CLASP1: variants seen among roughly 807,000 people sequenced by gnomAD.
The protein encoded by CLASP1 is CLIP-associating protein 1.
A neutral mutation model predicts 192.3 loss-of-function variants in CLASP1; 38 were observed. That is an observed-to-expected ratio of 0.20 (90% CI 0.15 to 0.26). CLASP1 has a LOEUF of 0.26. Among genes scored for constraint, CLASP1 ranks in the 10% least tolerant of loss-of-function variants. The probability of loss-of-function intolerance (pLI) is 1.00; values close to 1 mark genes in which losing one functional copy is unlikely to be tolerated. For missense variants in CLASP1, 1,433 were observed against 1,932.5 expected (o/e 0.74, Z 4.85); for synonymous variants, 691 against 712.8 (o/e 0.97, Z 0.49).
At chr2:121,561,654 T>A (rs1337498673) in intron 2 of CLASP1, among the ~76,000 whole-genome samples, 1 of 152,240 alleles carries the variant, frequency 6.6e-6, no homozygotes, top group African/African-American at 2.4e-5. Context: ...TGAATTTGTG[T>A]AGGACCACAT....
chr2:121,647,185 T>C (rs976564570), intron 1 of CLASP1, among the ~76,000 whole-genome samples: 1 of 151,610 alleles, frequency 6.6e-6, no homozygotes, highest in Admixed American at 6.6e-5. Flanking sequence ...CTGGCCAACA[T>C]AGTGAAACCC....
rs576273370 is a variant in CLASP1 at position 121,590,256 on chromosome 2, C to T, written c.195+15445G>A. ...GCCGAACTTTGAACCAGCAATTCAG[C>T]CTTTCAGAACTTCCAGCACAGAGGT... On this transcript the variant is annotated intron_variant, in intron 2 of 39. Coordinates refer to ENST00000263710, the Ensembl canonical transcript of CLASP1. 4.6e-5 allele frequency among the ~76,000 whole-genome samples: 7 copies of T among 152,286 alleles called. No homozygotes were observed. The South Asian group carries it at 1.5e-3, about 32-fold the overall frequency.
chr2:121,429,637 A>G (rs1451096079), intron 20 of CLASP1, among the ~76,000 whole-genome samples: 1 of 152,254 alleles, frequency 6.6e-6, no homozygotes, highest in Non-Finnish European at 1.5e-5. Flanking sequence ...TGCAAATGTT[A>G]GAGCACAGAA....
chr2:121,343,115 A>G lies in CLASP1; in HGVS notation c.4531-2168T>C, dbSNP rs62153627. On this transcript the variant is annotated intron_variant, in intron 39 of 39. Transcript: ENST00000263710. The stretch of plus-strand genomic sequence containing the variant: ...ATAGGGAAAGGATCATCTTTTTAAC[A>G]GATAAGAAATCGCCATCAGGTTATT... Among the ~76,000 whole-genome samples the G allele has an allele frequency of 2.2e-3, 336 of 152,342 alleles. 1 individual carries two copies. The highest frequency in any genetic ancestry group is 4.0e-3 in the Non-Finnish European group (271 of 68,032).
chr2:121,615,310 G>C (rs2066268556), intron 1 of CLASP1, among the ~76,000 whole-genome samples: 1 of 151,980 alleles, frequency 6.6e-6, no homozygotes, highest in Non-Finnish European at 1.5e-5. Flanking sequence ...CTGCACTCCA[G>C]CTTGCGCGTC....
chr2:121,641,083 A>G (rs888912493), intron 1 of CLASP1, among the ~76,000 whole-genome samples: 2 of 152,222 alleles, frequency 1.3e-5, no homozygotes, highest in Non-Finnish European at 2.9e-5. Flanking sequence ...ATGCAGTTCA[A>G]GTCTCTTAGG....
chr2:121,442,574 G>A (rs2083533269), intron 19 of CLASP1, among the ~76,000 whole-genome samples: 1 of 151,618 alleles, frequency 6.6e-6, no homozygotes, highest in Admixed American at 6.6e-5. Flanking sequence ...CCGCCTCCTG[G>A]GTTCAAGCAA....
intron 37 of CLASP1, among the ~76,000 whole-genome samples, chr2:121,352,071 T>G (rs1375467196): frequency 6.6e-6 from 1 of 152,142 alleles, no homozygotes; most frequent in Non-Finnish European, 1.5e-5. Context: ...AGGGCCAGCA[T>G]GAGGGTGTGG....
chr2:121,563,116 C>T (rs2059230018), intron 2 of CLASP1, among the ~76,000 whole-genome samples: 1 of 152,184 alleles, frequency 6.6e-6, no homozygotes, highest in Non-Finnish European at 1.5e-5. Context: ...TACAAGGCAT[C>T]TCTTCTCAAC....
At chr2:121,421,199 A>G (rs928878980) in intron 22 of CLASP1, among the ~76,000 whole-genome samples, 1 of 152,224 alleles carries the variant, frequency 6.6e-6, no homozygotes, top group Non-Finnish European at 1.5e-5. Context: ...AAACTCACTT[A>G]TACTACTACT....
chr2:121,400,344 G>C (rs1200327888), intron 28 of CLASP1, among the ~76,000 whole-genome samples: 1 of 152,162 alleles, frequency 6.6e-6, no homozygotes, highest in Non-Finnish European at 1.5e-5. Flanking sequence ...CAGACTGACA[G>C]GGTCAAGGGC....
intron 2 of CLASP1, among the ~76,000 whole-genome samples, chr2:121,589,643 A>C (rs1031348540): frequency 1.3e-5 from 2 of 152,062 alleles, no homozygotes; most frequent in Non-Finnish European, 2.9e-5. Context: ...AAAAAAAAAA[A>C]AAAAACACAC....
intron 3 of CLASP1, 114 bp downstream of exon 3, chr2:121,530,132 GA>G: frequency 2.5e-6 from 2 of 798,274 alleles, no homozygotes; most frequent in Non-Finnish European, 4.1e-6. Flanking sequence ...AAGGGAGGGA[GA>G]GGGGGCTGGA....
chr2:121,422,896 T>C (rs911922848), intron 22 of CLASP1, among the ~76,000 whole-genome samples: 10 of 152,158 alleles, frequency 6.6e-5, no homozygotes, highest in African/African-American at 2.4e-4. Context: ...GGTTTGGGAA[T>C]TATAGAAAAT....
chr2:121,377,535 C>T (rs759557730), exon 34 of CLASP1: 6 of 1,604,518 alleles, frequency 3.7e-6, no homozygotes, highest in Admixed American at 1.7e-5. Context: ...GTTTAATTGG[C>T]TCATTCAGAT....
In CLASP1 at chr2:121,478,762, CCACACACCCCACA is replaced by C. The variant is rs1559366764; in HGVS notation, c.713-8815_713-8803del. The stretch of plus-strand genomic sequence containing the variant: ...ACACCCCACACACACCACACACACA[CCACACACCCCACA>C]CACACACCCCACACACACCACACAC... On this transcript the variant is annotated intron_variant, in intron 8 of 39. Coordinates refer to ENST00000263710, the Ensembl canonical transcript of CLASP1. Among the ~76,000 whole-genome samples the C allele has an allele frequency of 2.5e-3, 160 of 63,620 alleles. 1 individual carries two copies. The highest frequency in any genetic ancestry group is 6.1e-3 in the South Asian group (11 of 1,796). The allele number at this position is 63,620 out of a possible 152,430, so 41.7% of individuals were successfully genotyped here.
At chr2:121,449,571 C>T (rs1410982221) in intron 16 of CLASP1, among the ~76,000 whole-genome samples, 3 of 126,412 alleles carry the variant, frequency 2.4e-5, no homozygotes, top group African/African-American at 9.4e-5. Context: ...TACTTGAAAT[C>T]AGTATCACAT....
chr2:121,452,950 T>C (rs1010705937), intron 14 of CLASP1, among the ~76,000 whole-genome samples: 4 of 152,192 alleles, frequency 2.6e-5, no homozygotes, highest in East Asian at 1.9e-4. Context: ...CTTTCTTTCC[T>C]ACAACCTTCC....
At chr2:121,451,878 A>G (rs750010395) in intron 14 of CLASP1, 29 bp from the exon 15 acceptor site, 6 of 1,441,074 alleles carry the variant, frequency 4.2e-6, no homozygotes, top group Non-Finnish European at 5.7e-6. Flanking sequence ...TACACAACTT[A>G]TTAATACATA....
Sources: gnomAD v4.1 joint callset for allele counts (sites outside exome capture counted in the v4.1 genomes callset) on GRCh38, gnomAD v4.1.1 for gene constraint, MANE v1.5 for transcripts, NCBI Gene and HGNC (gene_info 2026-07-23, HGNC 2026-07-21) for gene names.